Variants in SLC26A5 observed in about 807,000 individuals in gnomAD.
SLC26A5 encodes the protein solute carrier family 26 member 5.
In SLC26A5, 51 loss-of-function variants were observed where a neutral mutation model predicts 81.0. The ratio of observed to expected loss-of-function variants is 0.63; its 90% CI spans 0.50 to 0.80. The LOEUF is 0.80. SLC26A5 is among the 30% of genes least tolerant of loss of function. The pLI, the probability that SLC26A5 is intolerant of heterozygous loss-of-function variation, is 0.00. For synonymous variants in SLC26A5, 325 were observed against 332.8 expected (o/e 0.98, Z 0.25); for missense variants, 771 against 905.8 (o/e 0.85, Z 1.91).
At chr7:103,424,866 C>G (rs1391984644) in intron 2 of SLC26A5, among the ~76,000 whole-genome samples, 1 of 152,162 alleles carries the variant, frequency 6.6e-6, no homozygotes, top group Non-Finnish European at 1.5e-5. Flanking sequence ...GGGCCTTAAC[C>G]TGAACCTACC....
At chr7:103,421,269 C>T in intron 3 of SLC26A5, 94 bp downstream of exon 3, 1 of 1,391,184 alleles carries the variant, frequency 7.2e-7, no homozygotes, top group South Asian at 1.2e-5. Context: ...ATTTTTCTCT[C>T]CACTTCACCA....
In SLC26A5 at chr7:103,374,457, G is replaced by A. The variant is rs150726851; in HGVS notation, c.2177C>T (p.Ala726Val). ...REALAEQEAS[A>V]PPSQEDLEPN... ...CTCCAAGTCCTCCTGGGAAGGGGGA[G>A]CCGAGGCTTCCTGTTCAGCAAGTGC... The change falls in exon 20 of 20, where the codon GCT (alanine) becomes GTT (valine). Residue 726 changes from alanine to valine, a missense_variant. Coordinates refer to ENST00000306312, the MANE Select transcript of SLC26A5 (RefSeq NM_198999.3). The A allele has an allele frequency of 8.4e-4, 1,363 of 1,613,028 alleles. 5 individuals carry two copies. The highest frequency in any genetic ancestry group is 1.1e-3 in the Non-Finnish European group (1,324 of 1,180,024).
rs1342015970 is a variant in SLC26A5, at chr7:103,412,849, C to T, written c.403+153G>A. 3.3e-5 allele frequency among the ~76,000 whole-genome samples: 5 copies of T among 151,992 alleles called. 1 individual carries two copies. The highest frequency in any genetic ancestry group is 2.9e-5 in the Non-Finnish European group (2 of 68,012). ...TACAGGGATGAGCCACCGCACCTGG[C>T]CGAGTGTAGGTTTTTAAAGCACCTA... On this transcript the variant is annotated intron_variant, in intron 5 of 19. Coordinates refer to ENST00000306312, the MANE Select transcript of SLC26A5 (RefSeq NM_198999.3).
chr7:103,402,574 T>A (rs1463437213), intron 8 of SLC26A5, among the ~76,000 whole-genome samples: 3 of 151,968 alleles, frequency 2.0e-5, no homozygotes, highest in South Asian at 2.1e-4. Flanking sequence ...TAATTTTTTT[T>A]ATTTTTAATA....
intron 14 of SLC26A5, among the ~76,000 whole-genome samples, chr7:103,385,843 G>C (rs1018754605): frequency 3.3e-5 from 5 of 151,454 alleles, no homozygotes; most frequent in African/African-American, 1.2e-4. Flanking sequence ...TGGGACCACA[G>C]GTGTGCACCA....
At chr7:103,439,454 C>T (rs575715925) in intron 2 of SLC26A5, among the ~76,000 whole-genome samples, 3 of 152,296 alleles carry the variant, frequency 2.0e-5, no homozygotes, top group South Asian at 4.1e-4. Context: ...CCTTTCCTTG[C>T]TGTGGTCATT....
At chr7:103,363,220 T>G (rs142060250) in intron 19 of SLC26A5, 10,576 of 728,214 alleles carry the variant, frequency 0.015, 109 homozygotes, top group Non-Finnish European at 0.018. Flanking sequence ...GGCAATGTAT[T>G]CAATTTTTAT....
At chr7:103,354,365 A>AT (rs752847513) in intron 19 of SLC26A5, among the ~76,000 whole-genome samples, 7,257 of 134,506 alleles carry the variant, frequency 0.054, 285 homozygotes, top group South Asian at 0.13. Flanking sequence ...TTCACACACG[A>AT]TTTTTTTTTT....
At chr7:103,380,442 T>G (rs753625054) in intron 15 of SLC26A5, 38 bp downstream of exon 15, 41 of 1,556,900 alleles carry the variant, frequency 2.6e-5, no homozygotes, top group Non-Finnish European at 3.6e-5. Flanking sequence ...GCACATCACA[T>G]GCTTACAACC....
intron 5 of SLC26A5, 52 bp from the exon 6 acceptor site, chr7:103,411,638 T>TCA (rs1183526649): frequency 3.1e-6 from 5 of 1,603,948 alleles, no homozygotes; most frequent in African/African-American, 1.3e-5. Flanking sequence ...GTATCTGATA[T>TCA]GGTTTTTGCC....
intron 14 of SLC26A5, among the ~76,000 whole-genome samples, chr7:103,381,343 A>G (rs1320002991): frequency 6.6e-6 from 1 of 150,946 alleles, no homozygotes; most frequent in Non-Finnish European, 1.5e-5. Context: ...TATAAACACA[A>G]TATACACACA....
intron 19 of SLC26A5, among the ~76,000 whole-genome samples, chr7:103,357,881 T>C (rs1820132428): frequency 6.6e-6 from 1 of 152,240 alleles, no homozygotes; most frequent in African/African-American, 2.4e-5. Context: ...TTTCTCTCAG[T>C]TATACCTTAG....
intron 19 of SLC26A5, among the ~76,000 whole-genome samples, chr7:103,361,336 T>TAAA (rs1170508055): frequency 1.2e-4 from 15 of 120,824 alleles, no homozygotes; most frequent in African/African-American, 3.4e-4. Context: ...CCCTCTCTAC[T>TAAA]AAAAAAAAAA....
chr7:103,360,672 G>C (rs1197679899), intron 19 of SLC26A5, among the ~76,000 whole-genome samples: 2 of 152,142 alleles, frequency 1.3e-5, no homozygotes, highest in South Asian at 2.1e-4. Flanking sequence ...TTTCTAATGT[G>C]AGTTCTGTTT....
At chr7:103,422,856 C>G (rs1825453354) in intron 2 of SLC26A5, among the ~76,000 whole-genome samples, 1 of 152,088 alleles carries the variant, frequency 6.6e-6, no homozygotes, top group Non-Finnish European at 1.5e-5. Context: ...AACATGAATG[C>G]ATGGTTAAGT....
intron 17 of SLC26A5, among the ~76,000 whole-genome samples, 188 bp downstream of exon 17, chr7:103,378,254 CCTTA>C (rs1352820960): frequency 1.3e-5 from 2 of 152,040 alleles, no homozygotes; most frequent in African/African-American, 4.8e-5. Context: ...ATGATGTTTT[CCTTA>C]CTTTTTTCAG....
downstream of SLC26A5, among the ~76,000 whole-genome samples, chr7:103,370,392 C>G (rs1384744161): frequency 5.9e-5 from 9 of 151,794 alleles, no homozygotes; most frequent in Admixed American, 4.6e-4. Flanking sequence ...CCCCCACCCC[C>G]CCAACACACA....
At chr7:103,399,591 T>C (rs1823415163) in intron 8 of SLC26A5, among the ~76,000 whole-genome samples, 1 of 152,196 alleles carries the variant, frequency 6.6e-6, no homozygotes, top group African/African-American at 2.4e-5. Context: ...TTTAAATTTA[T>C]TATACTTTAA....
chr7:103,377,154 A>AT (rs535202329), intron 18 of SLC26A5, among the ~76,000 whole-genome samples: 6 of 152,038 alleles, frequency 3.9e-5, no homozygotes, highest in Non-Finnish European at 7.4e-5. Flanking sequence ...ATAAAAAACG[A>AT]TTTTTTTTAG....
Sources: gnomAD v4.1 joint callset for allele counts (sites outside exome capture counted in the v4.1 genomes callset) on GRCh38, gnomAD v4.1.1 for gene constraint, MANE v1.5 for transcripts, NCBI Gene and HGNC (gene_info 2026-07-23, HGNC 2026-07-21) for gene names.